The following ZNF385D variants were observed in gnomAD, a reference collection of about 807,000 sequenced individuals.
ZNF385D encodes zinc finger protein 659.
In ZNF385D, 15 loss-of-function variants were observed where a neutral mutation model predicts 35.8. The ratio of observed to expected loss-of-function variants is 0.42; its 90% CI spans 0.28 to 0.64. The LOEUF is 0.64. ZNF385D is among the 30% of genes least tolerant of loss of function. The pLI is 0.23. For missense variants in ZNF385D, 474 were observed against 494.6 expected (o/e 0.96, Z 0.39); for synonymous variants, 212 against 186.8 (o/e 1.13, Z -1.10).
intron 4 of ZNF385D, among the ~76,000 whole-genome samples, chr3:21,481,366 G>T (rs908996383): frequency 1.3e-5 from 2 of 152,156 alleles, no homozygotes; most frequent in Non-Finnish European, 2.9e-5. Flanking sequence ...GTGGAGCTTG[G>T]TGAGAACCCA....
chr3:22,275,365 G>A (rs1009014070), intron 2 of ZNF385D, among the ~76,000 whole-genome samples: 3 of 152,106 alleles, frequency 2.0e-5, no homozygotes, highest in South Asian at 2.1e-4. Flanking sequence ...ACACATGAGA[G>A]TTTGAGAACA....
At chr3:21,982,644 G>A (rs774280752) in intron 3 of ZNF385D, among the ~76,000 whole-genome samples, 2 of 151,934 alleles carry the variant, frequency 1.3e-5, no homozygotes, top group Non-Finnish European at 2.9e-5. Context: ...GTGACAGACA[G>A]CATACTTGTC....
intron 3 of ZNF385D, among the ~76,000 whole-genome samples, chr3:21,993,694 G>C (rs1172442077): frequency 2.0e-5 from 3 of 152,074 alleles, no homozygotes; most frequent in East Asian, 1.9e-4. Flanking sequence ...GTTTTGCTGG[G>C]AATCACAATG....
Position 22,033,402 on chromosome 3 carries a change from AAATAAT to A in ZNF385D, c.325+135409_325+135414del, listed in dbSNP as rs59555475. Reference sequence around the variant, plus strand: ...GGGTGACAGAGCAAGGCTGGCTCCAAAATAATAATAATAATAATAATAATAATAATA... The same window carrying A: ...GGGTGACAGAGCAAGGCTGGCTCCAAAATAATAATAATAATAATAATAATA... On this transcript the variant is annotated intron_variant, in intron 3 of 5. Transcript: ENST00000494108. Among the ~76,000 whole-genome samples, 748 of 139,382 alleles carry A rather than the reference AAATAAT, an allele frequency of 5.4e-3. 2 individuals are homozygous for A. Among genetic ancestry groups the A allele is most frequent in the African/African-American group, 6.0e-3 (223 of 37,106 alleles). 91.4% of individuals were successfully genotyped at this position (139,382 alleles called of 152,430 possible).
intron 2 of ZNF385D, chr3:22,169,061 C>A (rs1354552390): frequency 3.1e-6 from 3 of 961,836 alleles, no homozygotes; most frequent in Non-Finnish European, 3.7e-6. Context: ...AAATTATGAA[C>A]AAGCAGATCA....
intron 3 of ZNF385D, among the ~76,000 whole-genome samples, chr3:21,797,578 A>G (rs1166398059): frequency 2.0e-5 from 3 of 152,222 alleles, no homozygotes; most frequent in South Asian, 2.1e-4. Context: ...TAATTGCCCA[A>G]ACTTTGAAGC....
chr3:22,214,465 C>G (rs536744458), intron 2 of ZNF385D, among the ~76,000 whole-genome samples: 3 of 152,220 alleles, frequency 2.0e-5, no homozygotes, highest in South Asian at 4.1e-4. Context: ...ACCTTAAACT[C>G]TGACCGCCGC....
At chr3:22,129,016 T>C (rs1703614945) in intron 3 of ZNF385D, among the ~76,000 whole-genome samples, 1 of 152,172 alleles carries the variant, frequency 6.6e-6, no homozygotes, top group Non-Finnish European at 1.5e-5. Context: ...TCTAAGTCTT[T>C]GGTCACTGCA....
chr3:21,604,571 CAGACAAAGGCTGA>C (rs1463689627), intron 2 of ZNF385D, among the ~76,000 whole-genome samples: 1 of 152,086 alleles, frequency 6.6e-6, no homozygotes, highest in East Asian at 1.9e-4. Context: ...CCAGAGGCCA[CAGACAAAGGCTGA>C]AGAAGGAAAG....
chr3:21,934,040 G>T (rs1211901776), intron 3 of ZNF385D, among the ~76,000 whole-genome samples: 1 of 151,550 alleles, frequency 6.6e-6, no homozygotes, highest in African/African-American at 2.4e-5. Context: ...TAAAAAAAAA[G>T]TGCTGAAAAA....
intron 2 of ZNF385D, among the ~76,000 whole-genome samples, chr3:22,287,109 A>T (rs1246533067): frequency 1.3e-5 from 2 of 151,984 alleles, no homozygotes; most frequent in Non-Finnish European, 2.9e-5. Context: ...TGAAGTAACC[A>T]CTTTATTATT....
intron 4 of ZNF385D, chr3:21,441,628 T>A (rs1701864305): frequency 1.1e-6 from 1 of 929,510 alleles, no homozygotes; most frequent in Non-Finnish European, 1.3e-6. Flanking sequence ...AGGTATTAAG[T>A]TGCTTAAAAT....
chr3:21,813,443 A>G (rs1426109673), intron 3 of ZNF385D, among the ~76,000 whole-genome samples: 2 of 152,212 alleles, frequency 1.3e-5, no homozygotes, highest in African/African-American at 4.8e-5. Context: ...CAAAGAAGCG[A>G]AAAACCTTCA....
At chr3:22,219,524 T>A (rs1051034707) in intron 2 of ZNF385D, among the ~76,000 whole-genome samples, 4 of 152,276 alleles carry the variant, frequency 2.6e-5, no homozygotes, top group South Asian at 2.1e-4. Flanking sequence ...TTTAAGAGAC[T>A]GTCTGACATC....
chr3:21,748,483 G>A (rs530820050), intron 1 of ZNF385D, among the ~76,000 whole-genome samples: 4 of 152,058 alleles, frequency 2.6e-5, no homozygotes, highest in African/African-American at 9.6e-5. Context: ...TAAATATCCC[G>A]CTTTCATATC....
At chr3:22,168,802 T>C in intron 3 of ZNF385D, 1 of 985,260 alleles carries the variant, frequency 1.0e-6, no homozygotes, top group Non-Finnish European at 1.2e-6. Context: ...AGAAAATATT[T>C]TTAGAAAAGC....
chr3:21,751,391 G>C (rs1460338650), upstream of ZNF385D: 1 of 1,005,894 alleles, frequency 9.9e-7, no homozygotes, highest in Non-Finnish European at 1.2e-6. Context: ...AGCGAGAAGA[G>C]TGTCGGGATC....
chr3:21,614,511 T>C (rs2064783273), intron 2 of ZNF385D, among the ~76,000 whole-genome samples: 1 of 151,798 alleles, frequency 6.6e-6, no homozygotes, highest in Admixed American at 6.6e-5. Context: ...CACACAGGAG[T>C]GGATATGAGC....
chr3:21,451,722 A>G (rs1419744293), intron 4 of ZNF385D, among the ~76,000 whole-genome samples: 2 of 152,098 alleles, frequency 1.3e-5, no homozygotes, highest in Non-Finnish European at 2.9e-5. Flanking sequence ...TTAATCTTCA[A>G]ATAAATTTTG....
Sources: allele counts gnomAD v4.1 joint callset (sites outside exome capture counted in the v4.1 genomes callset), GRCh38; gene constraint gnomAD v4.1.1; transcripts MANE v1.5; gene names NCBI Gene and HGNC (gene_info 2026-07-23, HGNC 2026-07-21).